KITLG: variants seen among roughly 807,000 people sequenced by gnomAD.
KITLG encodes the protein KIT ligand, also known as c-Kit ligand.
In KITLG, 13 loss-of-function variants were observed where a neutral mutation model predicts 34.1. The observed-to-expected ratio is 0.38, with a 90% CI of 0.25 to 0.61. The LOEUF (loss-of-function observed/expected upper bound fraction) is 0.61, where lower values mean the gene tolerates loss of function less well. Among genes scored for constraint, KITLG ranks in the 20% least tolerant of loss-of-function variants. The pLI is 0.60. For missense variants in KITLG, 292 were observed against 318.9 expected (o/e 0.92, Z 0.64); for synonymous variants, 110 against 104.0 (o/e 1.06, Z -0.35).
Position 88,552,762 on chromosome 12 carries a change from TA to T in KITLG, c.16-6898del, listed in dbSNP as rs930342083. Among the ~76,000 whole-genome samples, 354 of 146,730 alleles carry T rather than the reference TA, an allele frequency of 2.4e-3. 1 individual carries two copies. The highest frequency in any genetic ancestry group is 3.4e-3 in the Non-Finnish European group (229 of 66,710). Reference sequence around the variant, plus strand: ...AAGGTTTCCAAGGGCAAGAAGAAATTAAAAAAAAAAAACGCTTTTGGAAACC... The same window carrying T: ...AAGGTTTCCAAGGGCAAGAAGAAATTAAAAAAAAAAACGCTTTTGGAAACC... On this transcript the variant is annotated intron_variant, in intron 1 of 9. Transcript: ENST00000644744.
rs1868574208 is a variant in KITLG, at chr12:88,495,054, T to A, written c.*2165A>T. The A allele has an allele frequency of 6.6e-6, 1 of 152,052 alleles. No individual in the cohort carries two copies. 9.4% of individuals were successfully genotyped at this position (152,052 alleles called of 1,614,324 possible). ...ACTTTCAATGGACCAACACATTTAA[T>A]AAGCAGGACACATCTCCCCTCTCCT... On this transcript the variant is annotated 3_prime_UTR_variant, in exon 10 of 10. Transcript: ENST00000644744.
At chr12:88,526,341 C>T (rs1185747158) in intron 3 of KITLG, among the ~76,000 whole-genome samples, 2 of 152,230 alleles carry the variant, frequency 1.3e-5, no homozygotes, top group African/African-American at 2.4e-5. Context: ...AAGATAATAA[C>T]GTTGCAGTGC....
chr12:88,518,870 G>A lies in KITLG; in HGVS notation c.193-3C>T, dbSNP rs758555352. ...TCGCTTATCCAACAATGACTTGGCT[G>A]CAAGATATGAAAAAAGAGACAAAAC... On this transcript the variant is annotated splice_polypyrimidine_tract_variant and splice_region_variant and intron_variant, in intron 3 of 9. Coordinates refer to ENST00000644744, the MANE Select transcript of KITLG (RefSeq NM_000899.5). 1.8e-5 allele frequency: 29 copies of A among 1,612,628 alleles called. No individual in the cohort carries two copies. Among genetic ancestry groups the A allele is most frequent in the Non-Finnish European group, 2.5e-5 (29 of 1,179,214 alleles).
intron 2 of KITLG, among the ~76,000 whole-genome samples, chr12:88,540,292 G>A (rs1173728638): frequency 2.0e-5 from 3 of 152,036 alleles, no homozygotes; most frequent in Non-Finnish European, 4.4e-5. Flanking sequence ...CTGCATTACT[G>A]TGCCTCAATG....
chr12:88,544,266 T>A (rs1870627837), intron 2 of KITLG, among the ~76,000 whole-genome samples: 1 of 152,140 alleles, frequency 6.6e-6, no homozygotes, highest in South Asian at 2.1e-4. Flanking sequence ...ATTATTACAA[T>A]TTATCCTCAG....
intron 1 of KITLG, among the ~76,000 whole-genome samples, chr12:88,569,532 T>G (rs1455164474): frequency 6.6e-6 from 1 of 152,222 alleles, no homozygotes; most frequent in Non-Finnish European, 1.5e-5. Flanking sequence ...GTTTATTTAG[T>G]ATTTTCTTGG....
intron 6 of KITLG, among the ~76,000 whole-genome samples, chr12:88,509,481 C>T (rs1869194331): frequency 1.3e-5 from 2 of 152,220 alleles, no homozygotes; most frequent in South Asian, 4.1e-4. Flanking sequence ...CTCAGACTTG[C>T]TCTCTGAGAG....
intron 1 of KITLG, among the ~76,000 whole-genome samples, chr12:88,549,806 G>A (rs1870833347): frequency 6.6e-6 from 1 of 152,064 alleles, no homozygotes; most frequent in Admixed American, 6.6e-5. Context: ...GTATAAAAAA[G>A]AACAAAGAAC....
chr12:88,501,584 G>T (rs901886731), intron 9 of KITLG, among the ~76,000 whole-genome samples: 2 of 152,002 alleles, frequency 1.3e-5, no homozygotes, highest in African/African-American at 4.8e-5. Context: ...CTGGTAGAAG[G>T]CCAAATGTAA....
intron 1 of KITLG, among the ~76,000 whole-genome samples, chr12:88,578,150 A>G (rs958633905): frequency 2.0e-5 from 3 of 152,182 alleles, no homozygotes; most frequent in African/African-American, 7.2e-5. Context: ...AAATTTAACA[A>G]TATGAAAGAT....
Position 88,494,714 on chromosome 12 carries a change from T to C in KITLG, c.*2505A>G, listed in dbSNP as rs73199405. 7,102 of 152,364 alleles carry C rather than the reference T, an allele frequency of 0.047. 214 individuals are homozygous for C. The highest frequency in any genetic ancestry group is 0.073 in the Non-Finnish European group (4,949 of 67,850). The allele number at this position is 152,364 out of a possible 1,614,324, so 9.4% of individuals were successfully genotyped here. On this transcript the variant is annotated 3_prime_UTR_variant, in exon 10 of 10. Transcript: ENST00000644744. ...GCAAAGCTTTCAGTATCATTGAGAA[T>C]CTACAGACTTCTGAGATCATTTTAA...
At chr12:88,515,737 T>C in intron 5 of KITLG, 120 bp from the exon 6 acceptor site, 1 of 718,792 alleles carries the variant, frequency 1.4e-6, no homozygotes, top group South Asian at 1.5e-5. Flanking sequence ...ATCTAGAGTA[T>C]TCAGATCCTA....
intron 1 of KITLG, among the ~76,000 whole-genome samples, chr12:88,572,727 T>C (rs1189640453): frequency 6.6e-6 from 1 of 151,756 alleles, no homozygotes; most frequent in African/African-American, 2.4e-5. Context: ...ATGCTAATAA[T>C]TTCCTCTGAA....
Position 88,506,389 on chromosome 12 carries a change from A to G in KITLG, c.715-11T>C, listed in dbSNP as rs767836468. 1 of 1,572,300 alleles carries G rather than the reference A, an allele frequency of 6.4e-7. No homozygotes were observed. The highest frequency in any genetic ancestry group is 2.2e-5 in the East Asian group (1 of 44,656). On this transcript the variant is annotated splice_polypyrimidine_tract_variant and intron_variant, in intron 7 of 9. Transcript: ENST00000644744. ...ACTTGGCTGTCTCTTCTGGAAAAAG[A>G]AGAAAGACATATACTGTAAAATAAT...
chr12:88,529,927 A>G (rs943944734), intron 3 of KITLG, among the ~76,000 whole-genome samples: 4 of 152,220 alleles, frequency 2.6e-5, no homozygotes, highest in African/African-American at 9.6e-5. Flanking sequence ...GCCAGAATCA[A>G]TAGTAGATTT....
chr12:88,508,330 A>T (rs985498855), intron 6 of KITLG, among the ~76,000 whole-genome samples: 10 of 152,234 alleles, frequency 6.6e-5, no homozygotes, highest in Admixed American at 6.5e-4. Context: ...CCTAGAGTAC[A>T]TAATATAAAA....
At chr12:88,535,812 A>T (rs1437358040) in intron 2 of KITLG, among the ~76,000 whole-genome samples, 1 of 152,178 alleles carries the variant, frequency 6.6e-6, no homozygotes, top group Non-Finnish European at 1.5e-5. Flanking sequence ...AGGACTCCCT[A>T]TTCAATAAAT....
intron 1 of KITLG, among the ~76,000 whole-genome samples, chr12:88,577,320 T>C (rs141464117): frequency 1.6e-3 from 251 of 152,306 alleles, no homozygotes; most frequent in African/African-American, 5.8e-3. Context: ...TTTTTTACAT[T>C]GTTTGCAAGA....
chr12:88,569,481 A>G (rs1871568894), intron 1 of KITLG, among the ~76,000 whole-genome samples: 1 of 152,146 alleles, frequency 6.6e-6, no homozygotes, highest in South Asian at 2.1e-4. Context: ...ATTGATAAGC[A>G]TTACATTACC....
Sources: gnomAD v4.1 joint callset for allele counts (sites outside exome capture counted in the v4.1 genomes callset) on GRCh38, gnomAD v4.1.1 for gene constraint, MANE v1.5 for transcripts, NCBI Gene and HGNC (gene_info 2026-07-23, HGNC 2026-07-21) for gene names.